The following NUP98 variants were observed in gnomAD, a reference collection of about 807,000 sequenced individuals.
NUP98 encodes the protein nucleoporin 98 and 96 precursor.
In NUP98, 26 loss-of-function variants were observed where a neutral mutation model predicts 191.9. The observed-to-expected ratio is 0.14, with a 90% CI of 0.10 to 0.19. The LOEUF (loss-of-function observed/expected upper bound fraction) is 0.19, where lower values mean the gene tolerates loss of function less well. Ranked by LOEUF, NUP98 falls within the 10% of genes least tolerant of loss-of-function variation. The pLI is 1.00. For synonymous variants in NUP98, 808 were observed against 778.4 expected (o/e 1.04, Z -0.63); for missense variants, 1,941 against 2,178.8 (o/e 0.89, Z 2.17).
At chr11:3,775,795 G>A (rs2081699592) in intron 5 of NUP98, 87 bp downstream of exon 5, 4 of 1,352,186 alleles carry the variant, frequency 3.0e-6, no homozygotes, top group Non-Finnish European at 4.2e-6. Context: ...AGCTAAGCTG[G>A]AAAGAGAAGC....
In NUP98 at chr11:3,702,821, G is replaced by A. The variant is rs745925709; in HGVS notation, c.3154C>T (p.Arg1052Cys). 22 of 1,613,948 alleles carry A rather than the reference G, an allele frequency of 1.4e-5. No homozygotes were observed. Among genetic ancestry groups the A allele is most frequent in the Admixed American group, 6.7e-5 (4 of 59,992 alleles). ...LSPSVSVQEC[R>C]TPRAASLMNI... The stretch of plus-strand genomic sequence containing the variant: ...ATTAAAGATGCTGCTCTGGGAGTAC[G>A]ACATTCTTGCACAGAGACACTTGGT... Residue 1052 changes from arginine to cysteine, a missense_variant, in exon 23 of 33, where the codon CGT becomes TGT. Arg to Cys is a radical substitution (Grantham distance 180, BLOSUM62 -3). Coordinates refer to ENST00000324932, the MANE Select transcript of NUP98 (RefSeq NM_016320.5).
At chr11:3,693,513 A>C in intron 26 of NUP98, 138 bp from the exon 27 acceptor site, 1 of 887,176 alleles carries the variant, frequency 1.1e-6, no homozygotes, top group Non-Finnish European at 1.7e-6. Context: ...ATATAATAAA[A>C]TCTCACAGCT....
At chr11:3,779,577 G>A (rs1381396735) in intron 2 of NUP98, among the ~76,000 whole-genome samples, 1 of 151,852 alleles carries the variant, frequency 6.6e-6, no homozygotes, top group Non-Finnish European at 1.5e-5. Flanking sequence ...GGAGGCAGAG[G>A]TTTCGGTGAG....
chr11:3,700,917 G>T, intron 23 of NUP98, 78 bp from the exon 24 acceptor site: 2 of 945,606 alleles, frequency 2.1e-6, no homozygotes, highest in Non-Finnish European at 3.2e-6. Context: ...CCAAACCACT[G>T]TTTCTTTTTA....
intron 20 of NUP98, among the ~76,000 whole-genome samples, chr11:3,709,099 T>C (rs901577293): frequency 6.6e-6 from 1 of 152,198 alleles, no homozygotes; most frequent in African/African-American, 2.4e-5. Context: ...AAGTAAGATA[T>C]ATCAAGACAC....
intron 9 of NUP98, among the ~76,000 whole-genome samples, chr11:3,761,311 T>C (rs564500916): frequency 2.6e-5 from 4 of 152,306 alleles, no homozygotes; most frequent in Admixed American, 6.5e-5. Flanking sequence ...ATGTGGACTA[T>C]ACATCAATAA....
intron 11 of NUP98, among the ~76,000 whole-genome samples, chr11:3,745,409 G>A (rs1005473886): frequency 1.3e-5 from 2 of 152,144 alleles, no homozygotes; most frequent in Non-Finnish European, 2.9e-5. Context: ...AACCAGAGTG[G>A]TTGGACTAAG....
In NUP98 at chr11:3,796,611, T is replaced by C. The variant is rs79437649; in HGVS notation, c.-29+789A>G. Among the ~76,000 whole-genome samples the C allele has an allele frequency of 4.4e-3, 677 of 152,296 alleles. 6 individuals carry two copies. The highest frequency in any genetic ancestry group is 0.016 in the African/African-American group (658 of 41,560). On this transcript the variant is annotated intron_variant, in intron 1 of 32. Transcript: ENST00000324932. ...TCTACGTTTAGCTACCTAATGTCCATGCCGCACCGACCTCCTAAAGGGAAT... is the reference window on the plus strand; with the variant it reads ...TCTACGTTTAGCTACCTAATGTCCACGCCGCACCGACCTCCTAAAGGGAAT...
At chr11:3,746,945 G>T (rs1017681130) in intron 11 of NUP98, among the ~76,000 whole-genome samples, 24 of 151,238 alleles carry the variant, frequency 1.6e-4, no homozygotes, top group Admixed American at 1.5e-3. Flanking sequence ...TGTGAGGTTT[G>T]AGTTGTCTGT....
At chr11:3,760,437 T>A in intron 10 of NUP98, 102 bp downstream of exon 10, 1 of 1,508,466 alleles carries the variant, frequency 6.6e-7, no homozygotes, top group Admixed American at 1.7e-5. Context: ...GAATAACGTG[T>A]GGTATAGTCA....
intron 28 of NUP98, among the ~76,000 whole-genome samples, chr11:3,687,785 G>T (rs1003504078): frequency 1.3e-5 from 2 of 152,242 alleles, no homozygotes; most frequent in Non-Finnish European, 2.9e-5. Flanking sequence ...CTTTAGGCCG[G>T]GTGCGGTGGC....
At chr11:3,712,448 T>C (rs748413587) in intron 20 of NUP98, 116 bp downstream of exon 20, 49 of 1,517,230 alleles carry the variant, frequency 3.2e-5, no homozygotes, top group South Asian at 1.6e-4. Context: ...TGATTGCCAA[T>C]GTTTGTACTC....
chr11:3,733,500 T>C (rs1475680848), intron 13 of NUP98, among the ~76,000 whole-genome samples: 3 of 152,028 alleles, frequency 2.0e-5, no homozygotes, highest in Non-Finnish European at 4.4e-5. Context: ...TTAGTATAGA[T>C]GGGGTTTCAC....
intron 31 of NUP98, chr11:3,676,845 A>G (rs890136404): frequency 1.9e-5 from 12 of 634,824 alleles, no homozygotes; most frequent in Admixed American, 6.9e-5. Flanking sequence ...TGGACTAGGA[A>G]AAGTCTTGAG....
intron 25 of NUP98, among the ~76,000 whole-genome samples, chr11:3,697,781 A>C (rs2078555848): frequency 7.2e-6 from 1 of 139,046 alleles, no homozygotes; most frequent in African/African-American, 2.7e-5. Flanking sequence ...GTTCCACTGC[A>C]CTCCAGCAGT....
chr11:3,791,529 G>C (rs1182070476), intron 1 of NUP98, among the ~76,000 whole-genome samples: 1 of 79,948 alleles, frequency 1.3e-5, no homozygotes, highest in Non-Finnish European at 2.2e-5. Flanking sequence ...CCGAGACCTC[G>C]TCTCAAAAAA....
In NUP98 at chr11:3,782,015, C is replaced by A. The variant is rs180775189; in HGVS notation, c.76+27G>T. 1,081 of 1,537,522 alleles carry A rather than the reference C, an allele frequency of 7.0e-4. 1 individual carries two copies. The highest frequency in any genetic ancestry group is 3.7e-3 in the Middle Eastern group (22 of 5,886). ...TTAGTAAGGGAGATTAAGGTTTCTCCCTCTTTTGTCCTTTTTAAAAACTTA... is the reference window on the plus strand; with the variant it reads ...TTAGTAAGGGAGATTAAGGTTTCTCACTCTTTTGTCCTTTTTAAAAACTTA... On this transcript the variant is annotated intron_variant, in intron 2 of 32. Coordinates refer to ENST00000324932, the MANE Select transcript of NUP98 (RefSeq NM_016320.5).
Position 3,702,663 on chromosome 11 carries a change from T to C in NUP98, c.3312A>G (p.Glu1104=). 1 of 1,614,170 alleles carries C rather than the reference T, an allele frequency of 6.2e-7. No individual in the cohort carries two copies. The highest frequency in any genetic ancestry group is 2.2e-5 in the East Asian group (1 of 44,886). The change falls in exon 23 of 33, where the codon GAA becomes GAG. Residue 1104 remains glutamate (E), a synonymous_variant. Transcript: ENST00000324932. ...TRRQLGLVPR[E]KSVTYGKGKL... ...TTCCCTTGCCATAGGTGACAGACTT[T>C]TCACGAGGGACTAGGCCTAGTTGCC...
Position 3,731,595 on chromosome 11 carries a change from T to C in NUP98, c.1543-17A>G, listed in dbSNP as rs369541306. 1 of 1,503,950 alleles carries C rather than the reference T, an allele frequency of 6.6e-7. No homozygotes were observed. Among genetic ancestry groups the C allele is most frequent in the Non-Finnish European group, 8.9e-7 (1 of 1,122,168 alleles). The allele number at this position is 1,503,950 out of a possible 1,614,324, so 93.2% of individuals were successfully genotyped here. On this transcript the variant is annotated splice_polypyrimidine_tract_variant and intron_variant, in intron 13 of 32. Coordinates refer to ENST00000324932, the MANE Select transcript of NUP98 (RefSeq NM_016320.5). ...TTTCAATCTCTGAAAAACAAAAGCA[T>C]CAAGGAAATTTTTGGTTTACTTTAA...
Sources: gnomAD v4.1 joint callset for allele counts (sites outside exome capture counted in the v4.1 genomes callset) on GRCh38, gnomAD v4.1.1 for gene constraint, MANE v1.5 for transcripts, NCBI Gene and HGNC (gene_info 2026-07-23, HGNC 2026-07-21) for gene names.